SSBP2: variants seen among roughly 807,000 people sequenced by gnomAD.
SSBP2 encodes the protein single stranded DNA binding protein 2, also known as single-stranded DNA-binding protein 2.
In SSBP2, 17 loss-of-function variants were observed where a neutral mutation model predicts 61.8. The ratio of observed to expected loss-of-function variants is 0.28; its 90% CI spans 0.19 to 0.41. The LOEUF (loss-of-function observed/expected upper bound fraction) is 0.41, where lower values mean the gene tolerates loss of function less well. Among genes scored for constraint, SSBP2 ranks in the 10% least tolerant of loss-of-function variants. SSBP2 has a pLI of 1.00. For synonymous variants in SSBP2, 139 were observed against 141.3 expected, an observed-to-expected ratio of 0.98 and a Z score of 0.12; for missense variants, 310 against 458.7, an observed-to-expected ratio of 0.68 and a Z score of 2.96.
intron 4 of SSBP2, among the ~76,000 whole-genome samples, chr5:81,608,648 C>G (rs1745119105): frequency 6.6e-6 from 1 of 152,084 alleles, no homozygotes; most frequent in East Asian, 1.9e-4. Flanking sequence ...CTAAAATAAG[C>G]AGTTTTCAAA....
chr5:81,434,566 T>C (rs1178944637), intron 15 of SSBP2, among the ~76,000 whole-genome samples: 3 of 133,364 alleles, frequency 2.2e-5, no homozygotes, highest in Non-Finnish European at 1.5e-5. Flanking sequence ...GAGGCGGAGG[T>C]TGCGGTGAGC....
chr5:81,452,857 A>ACTGAATAAACTTCTACTTTGTG (rs1763866268), intron 10 of SSBP2, among the ~76,000 whole-genome samples: 1 of 152,174 alleles, frequency 6.6e-6, no homozygotes, highest in Admixed American at 6.5e-5. Flanking sequence ...TACAGCTTCA[A>ACTGAATAAACTTCTACTTTGTG]CTGAATAAAC....
intron 4 of SSBP2, among the ~76,000 whole-genome samples, chr5:81,551,990 T>TGCCTGGCTGGCC (rs1772228840): frequency 6.6e-6 from 1 of 152,230 alleles, no homozygotes; most frequent in Non-Finnish European, 1.5e-5. Flanking sequence ...ATAAAAGGTA[T>TGCCTGGCTGGCC]CAGTGTATCA....
intron 1 of SSBP2, among the ~76,000 whole-genome samples, chr5:81,686,592 C>T (rs1221209890): frequency 2.0e-5 from 3 of 151,948 alleles, no homozygotes; most frequent in Non-Finnish European, 2.9e-5. Flanking sequence ...CACGGTAGCT[C>T]ATGCCTGTAA....
intron 5 of SSBP2, among the ~76,000 whole-genome samples, chr5:81,501,172 C>T (rs1231001696): frequency 4.5e-5 from 6 of 134,748 alleles, no homozygotes; most frequent in Admixed American, 2.4e-4. Context: ...GATCGCACCA[C>T]TGTACTCCAG....
chr5:81,679,956 G>GAA (rs35949448), intron 1 of SSBP2, among the ~76,000 whole-genome samples: 3 of 137,846 alleles, frequency 2.2e-5, no homozygotes, highest in Non-Finnish European at 1.6e-5. Flanking sequence ...TAAAAAGGTG[G>GAA]AAAAAAAAAA....
intron 6 of SSBP2, among the ~76,000 whole-genome samples, chr5:81,477,141 G>A (rs2162973): frequency 0.45 from 68,377 of 151,962 alleles, 19,619 homozygotes; most frequent in African/African-American, 0.82. Flanking sequence ...CTTTCCCCAA[G>A]GGGCCTTAAT....
At chr5:81,428,757 A>G in intron 15 of SSBP2, 74 bp from the exon 16 acceptor site, 1 of 986,856 alleles carries the variant, frequency 1.0e-6, no homozygotes, top group Non-Finnish European at 1.6e-6. Flanking sequence ...TGTTTCGAAT[A>G]TTGAAACAGC....
intron 7 of SSBP2, 128 bp from the exon 8 acceptor site, chr5:81,473,898 T>C (rs1283046355): frequency 2.4e-6 from 2 of 817,514 alleles, no homozygotes; most frequent in Non-Finnish European, 2.0e-6. Flanking sequence ...CCATCTTACC[T>C]TGGCTTCCAG....
At chr5:81,643,705 C>T (rs1749009244) in intron 2 of SSBP2, among the ~76,000 whole-genome samples, 2 of 146,420 alleles carry the variant, frequency 1.4e-5, no homozygotes, top group African/African-American at 2.6e-5. Context: ...CAGGCTCAAG[C>T]GATTCTCCTG....
chr5:81,499,751 C>A (rs936942684), intron 5 of SSBP2, among the ~76,000 whole-genome samples: 1 of 152,082 alleles, frequency 6.6e-6, no homozygotes, highest in African/African-American at 2.4e-5. Flanking sequence ...GATGCTAAAA[C>A]AATAATTTTT....
chr5:81,611,318 A>G (rs1745420113), intron 4 of SSBP2, among the ~76,000 whole-genome samples: 1 of 152,182 alleles, frequency 6.6e-6, no homozygotes, highest in South Asian at 2.1e-4. Context: ...GAAAAGAATA[A>G]AAGTAAGAGA....
intron 1 of SSBP2, among the ~76,000 whole-genome samples, chr5:81,724,258 T>G (rs1755729174): frequency 6.6e-6 from 1 of 152,018 alleles, no homozygotes. Flanking sequence ...TTTAAAACAT[T>G]ATGTCATCCC....
chr5:81,448,217 C>T (rs941555810), intron 11 of SSBP2, among the ~76,000 whole-genome samples: 1 of 152,070 alleles, frequency 6.6e-6, no homozygotes, highest in African/African-American at 2.4e-5. Context: ...CTTGTAAGCT[C>T]AGGAGGTCAT....
intron 5 of SSBP2, among the ~76,000 whole-genome samples, chr5:81,510,622 G>A (rs1049837174): frequency 1.3e-5 from 2 of 152,036 alleles, no homozygotes; most frequent in Non-Finnish European, 2.9e-5. Flanking sequence ...TTAGCCGGGC[G>A]TGGTGGCACA....
At chr5:81,446,770 A>G in intron 12 of SSBP2, 98 bp downstream of exon 12, 2 of 1,180,644 alleles carry the variant, frequency 1.7e-6, no homozygotes, top group Non-Finnish European at 2.4e-6. Context: ...CTATCGTGAG[A>G]ACATGAATAC....
intron 4 of SSBP2, among the ~76,000 whole-genome samples, chr5:81,600,691 A>G (rs1425640187): frequency 1.3e-5 from 2 of 152,062 alleles, no homozygotes; most frequent in African/African-American, 4.8e-5. Context: ...AATACCTAAG[A>G]TAAATGAAAA....
At chr5:81,712,916 C>T (rs1177694504) in intron 1 of SSBP2, among the ~76,000 whole-genome samples, 1 of 151,410 alleles carries the variant, frequency 6.6e-6, no homozygotes, top group Non-Finnish European at 1.5e-5. Flanking sequence ...TTTGTAGAGA[C>T]GGAGTTTCAC....
intron 4 of SSBP2, among the ~76,000 whole-genome samples, chr5:81,590,721 G>C (rs142146967): frequency 1.3e-5 from 2 of 152,264 alleles, no homozygotes; most frequent in South Asian, 4.1e-4. Flanking sequence ...AAAGTACAAA[G>C]CTCTGTTGGG....
Sources: gnomAD v4.1 joint callset for allele counts (sites outside exome capture counted in the v4.1 genomes callset) on GRCh38, gnomAD v4.1.1 for gene constraint, MANE v1.5 for transcripts, NCBI Gene and HGNC (gene_info 2026-07-23, HGNC 2026-07-21) for gene names.